PCDHA13: variants seen among roughly 807,000 people sequenced by gnomAD.
PCDHA13 encodes the protein protocadherin alpha-13.
PCDHA13 carries 54 observed loss-of-function variants against 64.8 expected under a neutral mutation model. The ratio of observed to expected loss-of-function variants is 0.83; its 90% CI spans 0.67 to 1.04. The LOEUF is 1.04. Ranked by LOEUF, PCDHA13 falls within the 50% of genes least tolerant of loss-of-function variation. The pLI is 0.00. For missense variants in PCDHA13, 1,248 were observed against 1,254.3 expected (o/e 0.99, Z 0.08); for synonymous variants, 587 against 564.4 (o/e 1.04, Z -0.57).
intron 1 of PCDHA13, among the ~76,000 whole-genome samples, chr5:140,941,214 CCTTT>C (rs60032403): frequency 6.5e-5 from 8 of 122,492 alleles, no homozygotes; most frequent in Non-Finnish European, 1.2e-4. Context: ...TTTCTTTCTT[CCTTT>C]CTTTCTTTCT....
chr5:140,927,587 T>A, intron 1 of PCDHA13: 18 of 1,614,162 alleles, frequency 1.1e-5, no homozygotes, highest in Non-Finnish European at 1.5e-5. Context: ...AACGCGCCTG[T>A]ATTTGAGCGC....
intron 1 of PCDHA13, among the ~76,000 whole-genome samples, chr5:140,977,853 C>T (rs2096777992): frequency 6.6e-6 from 1 of 152,212 alleles, no homozygotes; most frequent in Admixed American, 6.5e-5. Context: ...GGCTTTGTTT[C>T]TACCAAATAT....
chr5:140,986,587 C>G (rs1194407522), intron 3 of PCDHA13, among the ~76,000 whole-genome samples: 1 of 152,208 alleles, frequency 6.6e-6, no homozygotes, highest in East Asian at 1.9e-4. Flanking sequence ...TCCAGCTCCT[C>G]TTTCTACATT....
At chr5:140,972,091 C>G (rs1169233514) in intron 1 of PCDHA13, among the ~76,000 whole-genome samples, 3 of 152,164 alleles carry the variant, frequency 2.0e-5, no homozygotes, top group African/African-American at 4.8e-5. Context: ...AGAGTAATTT[C>G]TGGCATAGAA....
At chr5:140,946,342 A>G (rs2093932164) in intron 1 of PCDHA13, among the ~76,000 whole-genome samples, 1 of 151,846 alleles carries the variant, frequency 6.6e-6, no homozygotes, top group African/African-American at 2.4e-5. Context: ...CAAGTGATGG[A>G]GAGGATGTGG....
At chr5:140,968,467 A>G (rs2153771249) in intron 1 of PCDHA13, 1 of 1,614,124 alleles carries the variant, frequency 6.2e-7, no homozygotes, top group Non-Finnish European at 8.5e-7. Flanking sequence ...CTGCCAACGT[A>G]TATGTGGTGG....
intron 1 of PCDHA13, chr5:140,967,436 C>T (rs781894469): frequency 6.2e-7 from 1 of 1,613,496 alleles, no homozygotes; most frequent in Non-Finnish European, 8.5e-7. Context: ...AGCCTTGCAC[C>T]ACCTGGTTCT....
chr5:140,989,728 A>T (rs1453115061), intron 3 of PCDHA13, among the ~76,000 whole-genome samples: 6 of 152,184 alleles, frequency 3.9e-5, no homozygotes, highest in Admixed American at 3.9e-4. Flanking sequence ...TTGCAGTTGA[A>T]AAGGCCATTG....
chr5:140,998,321 G>A lies in PCDHA13; in HGVS notation c.2543-11306G>A, dbSNP rs79793895. On this transcript the variant is annotated intron_variant, in intron 3 of 3. Coordinates refer to ENST00000289272, the MANE Select transcript of PCDHA13 (RefSeq NM_018904.3). ...TTTAGTAAGGGCACCAGGATCTGAA[G>A]CAGGATTGTTTGACTTCTGAGTCTG... is the stretch of plus-strand genomic sequence containing the variant. 9.8e-3 allele frequency among the ~76,000 whole-genome samples: 1,493 copies of A among 152,278 alleles called. 32 individuals carry two copies. The highest frequency in any genetic ancestry group is 0.034 in the African/African-American group (1,408 of 41,548).
chr5:140,929,480 G>C, intron 1 of PCDHA13: 1 of 1,195,420 alleles, frequency 8.4e-7, no homozygotes, highest in Non-Finnish European at 1.1e-6. Context: ...TGGAAGTATA[G>C]AAGTATTAGA....
intron 1 of PCDHA13, among the ~76,000 whole-genome samples, chr5:140,907,506 A>G (rs1418997042): frequency 2.6e-5 from 4 of 152,234 alleles, no homozygotes; most frequent in Non-Finnish European, 5.9e-5. Flanking sequence ...GTAAGTGTCT[A>G]TTCCAGTGAG....
In PCDHA13 at chr5:140,943,486, T is replaced by C. The variant is rs573341102; in HGVS notation, c.2395-35463T>C. Among the ~76,000 whole-genome samples the C allele has an allele frequency of 2.6e-5, 4 of 152,178 alleles. No homozygotes were observed. The South Asian group carries it at 8.3e-4, about 32-fold the overall frequency. Reference sequence around the variant, plus strand: ...GTGGGAGATACAGTAAAATAATAAATAGATGCTATCAAGGTTCATGGAAAT... The same window carrying C: ...GTGGGAGATACAGTAAAATAATAAACAGATGCTATCAAGGTTCATGGAAAT... On this transcript the variant is annotated intron_variant, in intron 1 of 3. Coordinates refer to ENST00000289272, the MANE Select transcript of PCDHA13 (RefSeq NM_018904.3).
chr5:140,940,045 G>T (rs2092536047), intron 1 of PCDHA13, among the ~76,000 whole-genome samples: 1 of 152,038 alleles, frequency 6.6e-6, no homozygotes, highest in African/African-American at 2.4e-5. Flanking sequence ...TATTTTATTA[G>T]ATTCTTAACC....
At chr5:140,922,336 A>G (rs1554200779) in intron 1 of PCDHA13, among the ~76,000 whole-genome samples, 2 of 152,226 alleles carry the variant, frequency 1.3e-5, no homozygotes, top group African/African-American at 4.8e-5. Context: ...GGGTTGGTAT[A>G]TTGGTATTTT....
chr5:140,929,713 G>A (rs1328262633), intron 1 of PCDHA13: 3 of 235,294 alleles, frequency 1.3e-5, no homozygotes, highest in Non-Finnish European at 2.6e-5. Flanking sequence ...TAATATGGAA[G>A]GTGAAACATT....
chr5:140,907,037 A>G (rs2073120356), intron 1 of PCDHA13, among the ~76,000 whole-genome samples: 1 of 152,202 alleles, frequency 6.6e-6, no homozygotes, highest in Non-Finnish European at 1.5e-5. Flanking sequence ...ATAATGTCAC[A>G]GGGACAGTAA....
chr5:140,970,854 T>G (rs2096437899), intron 1 of PCDHA13, among the ~76,000 whole-genome samples: 1 of 152,148 alleles, frequency 6.6e-6, no homozygotes, highest in Non-Finnish European at 1.5e-5. Flanking sequence ...GCACAAAAGT[T>G]CCATTCCTGA....
chr5:141,008,438 A>G (rs1214725080), intron 3 of PCDHA13, among the ~76,000 whole-genome samples: 1 of 152,204 alleles, frequency 6.6e-6, no homozygotes, highest in Admixed American at 6.5e-5. Flanking sequence ...TTGCCCAGAC[A>G]GACCATTACC....
intron 1 of PCDHA13, among the ~76,000 whole-genome samples, chr5:140,896,566 G>A (rs1562891221): frequency 6.7e-6 from 1 of 150,252 alleles, no homozygotes; most frequent in Non-Finnish European, 1.5e-5. Context: ...AAGTAGAGAT[G>A]GGGTTTTGAC....
Sources: gnomAD v4.1 joint callset for allele counts (sites outside exome capture counted in the v4.1 genomes callset) on GRCh38, gnomAD v4.1.1 for gene constraint, MANE v1.5 for transcripts, NCBI Gene and HGNC (gene_info 2026-07-23, HGNC 2026-07-21) for gene names.